MIPEP: variants seen among roughly 807,000 people sequenced by gnomAD.
MIPEP encodes mitochondrial intermediate peptidase.
MIPEP carries 79 observed loss-of-function variants against 90.3 expected under a neutral mutation model. The observed-to-expected ratio is 0.87, with a 90% CI of 0.73 to 1.05. The LOEUF (loss-of-function observed/expected upper bound fraction) is 1.05, where lower values mean the gene tolerates loss of function less well. Ranked by LOEUF, MIPEP falls within the 50% of genes least tolerant of loss-of-function variation. The pLI, the probability that MIPEP is intolerant of heterozygous loss-of-function variation, is 0.00. For synonymous variants in MIPEP, 334 were observed against 315.8 expected, an observed-to-expected ratio of 1.06 and a Z score of -0.61; for missense variants, 940 against 905.6, an observed-to-expected ratio of 1.04 and a Z score of -0.49.
chr13:23,822,978 C>T (rs1953327102), intron 14 of MIPEP, among the ~76,000 whole-genome samples: 1 of 151,666 alleles, frequency 6.6e-6, no homozygotes, highest in East Asian at 1.9e-4. Context: ...CTCCGCTGGG[C>T]GCTTCCTGGA....
Position 23,760,099 on chromosome 13 carries a change from T to C in MIPEP, c.1967A>G (p.Asn656Ser), listed in dbSNP as rs761303186. The change falls in exon 17 of 19, where the codon AAC (asparagine) becomes AGC (serine). Residue 656 changes from asparagine (N) to serine (S), a missense_variant. Asn to Ser is a conservative substitution (Grantham distance 46). Transcript: ENST00000382172. ...WKECFLQDPF[N>S]RAAGERYRRE... ...ATTTTAGAACTTACCCCCTTACCTG[T>C]TGAAAGGATCCTGTAGAAAACACTC... The C allele has an allele frequency of 3.7e-6, 6 of 1,613,958 alleles. No individual in the cohort carries two copies. In the African/African-American group the frequency reaches 4.0e-5, roughly 11 times the overall value.
At chr13:23,752,558 G>T (rs1952452537) in intron 18 of MIPEP, among the ~76,000 whole-genome samples, 1 of 152,128 alleles carries the variant, frequency 6.6e-6, no homozygotes, top group African/African-American at 2.4e-5. Flanking sequence ...GAATGGAAAT[G>T]CCATATCATC....
At chr13:23,801,727 T>C (rs1038572319) in intron 16 of MIPEP, among the ~76,000 whole-genome samples, 3 of 152,334 alleles carry the variant, frequency 2.0e-5, no homozygotes, top group South Asian at 2.1e-4. Flanking sequence ...TATTTCACTT[T>C]ACCTTATGCT....
chr13:23,738,978 C>T (rs1046067295), intron 18 of MIPEP, among the ~76,000 whole-genome samples: 3 of 152,224 alleles, frequency 2.0e-5, no homozygotes, highest in African/African-American at 4.8e-5. Flanking sequence ...CCTGCGGAAA[C>T]CTGTTAAGCC....
At chr13:23,857,340 A>G (rs1208136236) in intron 10 of MIPEP, among the ~76,000 whole-genome samples, 1 of 152,202 alleles carries the variant, frequency 6.6e-6, no homozygotes, top group Non-Finnish European at 1.5e-5. Context: ...GCTGAATTTG[A>G]GATACATTTT....
chr13:23,839,778 A>T (rs1235500776), intron 11 of MIPEP, 52 bp from the exon 12 acceptor site: 1 of 1,315,788 alleles, frequency 7.6e-7, no homozygotes, highest in Admixed American at 1.8e-5. Context: ...TGATTCTCTA[A>T]AATCCCTAAC....
intron 16 of MIPEP, among the ~76,000 whole-genome samples, chr13:23,795,297 G>A (rs547879178): frequency 6.6e-5 from 10 of 152,062 alleles, no homozygotes; most frequent in South Asian, 2.1e-4. Flanking sequence ...TATTTAACCC[G>A]CCTGGGGCTC....
intron 16 of MIPEP, among the ~76,000 whole-genome samples, chr13:23,761,372 T>C (rs1002014206): frequency 2.0e-5 from 3 of 152,152 alleles, no homozygotes; most frequent in African/African-American, 7.2e-5. Flanking sequence ...GGAGTGCCAA[T>C]GGTGGAGCCG....
chr13:23,751,332 A>G (rs1426260785), intron 18 of MIPEP, among the ~76,000 whole-genome samples: 1 of 152,250 alleles, frequency 6.6e-6, no homozygotes, highest in Admixed American at 6.5e-5. Context: ...ATTATATTTT[A>G]ATCAGCTTAA....
chr13:23,856,609 C>T (rs527893409), intron 10 of MIPEP, among the ~76,000 whole-genome samples: 13 of 152,190 alleles, frequency 8.5e-5, no homozygotes, highest in East Asian at 3.9e-4. Flanking sequence ...ACTGTCAAGG[C>T]GCTGGTGGGA....
At chr13:23,802,145 A>C (rs1593162677) in intron 16 of MIPEP, among the ~76,000 whole-genome samples, 2 of 152,190 alleles carry the variant, frequency 1.3e-5, no homozygotes, top group South Asian at 4.1e-4. Flanking sequence ...TTTTTTGCCA[A>C]ACCAGTGATA....
chr13:23,790,721 T>G (rs911796468), intron 16 of MIPEP, among the ~76,000 whole-genome samples: 1 of 152,228 alleles, frequency 6.6e-6, no homozygotes, highest in Non-Finnish European at 1.5e-5. Flanking sequence ...AAGTCAGCCC[T>G]GCTGACATCT....
rs988195593 is a variant in MIPEP, at chr13:23,822,892, C to CT, written c.1654-12969dup. 8.0e-3 allele frequency among the ~76,000 whole-genome samples: 1,148 copies of CT among 144,302 alleles called. 15 individuals are homozygous for CT. The highest frequency in any genetic ancestry group is 0.026 in the African/African-American group (1,014 of 39,654). 94.7% of individuals were successfully genotyped at this position (144,302 alleles called of 152,430 possible). A position where few individuals can be genotyped will look rare whatever the true frequency, so the allele number is the denominator to read the frequency against. On this transcript the variant is annotated intron_variant, in intron 14 of 18. Transcript: ENST00000382172. ...AGAGACCAGCAGCATCTGGGCGCTT[C>CT]TTTTTTTTTTTGAGACAGAGTCTTG...
intron 18 of MIPEP, among the ~76,000 whole-genome samples, chr13:23,738,721 G>A (rs1009137203): frequency 3.9e-5 from 6 of 152,130 alleles, no homozygotes; most frequent in Admixed American, 1.3e-4. Flanking sequence ...GTGCCCCATG[G>A]GATTACAGGC....
intron 11 of MIPEP, 97 bp downstream of exon 11, chr13:23,841,238 C>G: frequency 8.9e-7 from 1 of 1,120,806 alleles, no homozygotes; most frequent in South Asian, 1.8e-5. Context: ...CACACTCAGT[C>G]AGGGCAAAGT....
intron 16 of MIPEP, among the ~76,000 whole-genome samples, chr13:23,788,144 T>C (rs1484830836): frequency 3.9e-5 from 6 of 152,254 alleles, no homozygotes; most frequent in African/African-American, 1.4e-4. Flanking sequence ...AATCCACGTG[T>C]GTGATCAATA....
intron 17 of MIPEP, among the ~76,000 whole-genome samples, chr13:23,757,247 G>A (rs989637391): frequency 3.3e-5 from 5 of 151,732 alleles, no homozygotes; most frequent in Admixed American, 2.0e-4. Context: ...GATCACATGC[G>A]CAGTTCACAG....
At chr13:23,804,342 T>C (rs994742884) in intron 16 of MIPEP, among the ~76,000 whole-genome samples, 22 of 152,194 alleles carry the variant, frequency 1.4e-4, no homozygotes, top group Admixed American at 8.5e-4. Context: ...TCATGAAGTT[T>C]AACTCATATT....
At chr13:23,817,018 C>T (rs1953248139) in intron 14 of MIPEP, among the ~76,000 whole-genome samples, 1 of 152,306 alleles carries the variant, frequency 6.6e-6, no homozygotes, top group Admixed American at 6.5e-5. Flanking sequence ...ATTCAGACAC[C>T]TCGAGGGCCC....
Sources: gnomAD v4.1 joint callset for allele counts (sites outside exome capture counted in the v4.1 genomes callset) on GRCh38, gnomAD v4.1.1 for gene constraint, MANE v1.5 for transcripts, NCBI Gene and HGNC (gene_info 2026-07-23, HGNC 2026-07-21) for gene names.